The following TMEM17 variants were observed in gnomAD, a reference collection of about 807,000 sequenced individuals.
The protein encoded by TMEM17 is transmembrane protein 17.
Under a neutral mutation model 19.1 loss-of-function variants are expected in TMEM17, and 15 were observed. That is an observed-to-expected ratio of 0.78 (90% confidence interval 0.52 to 1.21). The LOEUF is 1.21. Ranked by LOEUF, TMEM17 falls within the 50% of genes most tolerant of loss-of-function variation. The probability of loss-of-function intolerance (pLI) is 0.00; values close to 1 mark genes in which losing one functional copy is unlikely to be tolerated. For missense variants in TMEM17, 245 were observed against 242.3 expected (o/e 1.01, Z -0.07); for synonymous variants, 103 against 86.9 (o/e 1.19, Z -1.03).
At chr2:62,464,342 A>G in the TMEM17 span, among the ~76,000 whole-genome samples, 1 of 152,206 alleles carries the variant, frequency 6.6e-6, no homozygotes, top group Admixed American at 6.5e-5. Context: ...ACTGGCACCA[A>G]AGCAGCCGGC....
chr2:62,495,902 T>C (rs1280015643), downstream of TMEM17, among the ~76,000 whole-genome samples: 1 of 152,230 alleles, frequency 6.6e-6, no homozygotes, highest in Non-Finnish European at 1.5e-5. Context: ...CTTTACTTCA[T>C]TTCAGTCTTT....
At chr2:62,499,789 A>C (rs1160039672), downstream of TMEM17, among the ~76,000 whole-genome samples, 1 of 152,208 alleles carries the variant, frequency 6.6e-6, no homozygotes, top group Non-Finnish European at 1.5e-5. Flanking sequence ...TCCCTATAGA[A>C]AAAAAGAAAA....
At chr2:62,485,444 G>C in the TMEM17 span, among the ~76,000 whole-genome samples, 3 of 152,254 alleles carry the variant, frequency 2.0e-5, no homozygotes, top group East Asian at 5.8e-4. Context: ...CTAATTCTCA[G>C]AGGAGATGAT....
chr2:62,479,011 T>C, the TMEM17 span, among the ~76,000 whole-genome samples: 1 of 152,190 alleles, frequency 6.6e-6, no homozygotes, highest in African/African-American at 2.4e-5. Context: ...ATATAATGTA[T>C]AGTGATCAGG....
Position 62,502,312 on chromosome 2 carries a change from T to C in TMEM17, c.318+125A>G, listed in dbSNP as rs1200333777. On this transcript the variant is annotated intron_variant, in intron 3 of 3. Coordinates refer to ENST00000335390, the MANE Select transcript of TMEM17 (RefSeq NM_198276.3). ...AAACAGACCACAGTGACAGAAGTGG[T>C]AAAGCTGGAGTCAGGCTTTAAATTC... The C allele has an allele frequency of 5.2e-6, 3 of 573,856 alleles. No homozygotes were observed. In the African/African-American group the frequency reaches 5.6e-5, roughly 11 times the overall value. The allele number at this position is 573,856 out of a possible 1,614,324, so 35.5% of individuals were successfully genotyped here.
At chr2:62,490,189 A>G in the TMEM17 span, among the ~76,000 whole-genome samples, 5 of 152,178 alleles carry the variant, frequency 3.3e-5, no homozygotes, top group Non-Finnish European at 7.4e-5. Context: ...AGAAAGAAAA[A>G]TAATCAATGA....
chr2:62,494,579 TAACTC>T, the TMEM17 span, among the ~76,000 whole-genome samples: 6 of 152,296 alleles, frequency 3.9e-5, no homozygotes, highest in African/African-American at 1.4e-4. Context: ...AGAATATAAA[TAACTC>T]AAGATCAGGA....
chr2:62,493,909 C>T, the TMEM17 span, among the ~76,000 whole-genome samples: 1 of 152,192 alleles, frequency 6.6e-6, no homozygotes, highest in Non-Finnish European at 1.5e-5. Flanking sequence ...ATTTTAATGA[C>T]ACAAAACTAC....
At chr2:62,470,723 C>A in the TMEM17 span, among the ~76,000 whole-genome samples, 2 of 152,360 alleles carry the variant, frequency 1.3e-5, no homozygotes, top group South Asian at 4.1e-4. Flanking sequence ...CAGCCCCTCA[C>A]AAAGAGCTCC....
the TMEM17 span, among the ~76,000 whole-genome samples, chr2:62,454,280 T>TG: frequency 2.6e-5 from 4 of 152,096 alleles, no homozygotes; most frequent in African/African-American, 9.7e-5. Context: ...GACCCAGCTC[T>TG]GGGGGTGGGA....
chr2:62,484,468 G>C, the TMEM17 span, among the ~76,000 whole-genome samples: 3 of 152,202 alleles, frequency 2.0e-5, no homozygotes, highest in Non-Finnish European at 4.4e-5. Flanking sequence ...CTGAGCATTT[G>C]AAATGTGGTG....
Position 62,500,276 on chromosome 2 carries a change from C to A in TMEM17, c.*933G>T, listed in dbSNP as rs1168524598. ...ATTGTAAAAGCATTTTGTATACCAC[C>A]ATTACAAATACTGAATATGGTTTTA... is the stretch of plus-strand genomic sequence containing the variant. On this transcript the variant is annotated 3_prime_UTR_variant, in exon 4 of 4. Coordinates refer to ENST00000335390, the MANE Select transcript of TMEM17 (RefSeq NM_198276.3). The A allele has an allele frequency of 6.6e-6, 1 of 152,108 alleles. No individual in the cohort carries two copies. Among genetic ancestry groups the A allele is most frequent in the Non-Finnish European group, 1.5e-5 (1 of 68,030 alleles). The allele number at this position is 152,108 out of a possible 1,614,324, so 9.4% of individuals were successfully genotyped here.
At chr2:62,472,273 G>A in the TMEM17 span, among the ~76,000 whole-genome samples, 4 of 152,296 alleles carry the variant, frequency 2.6e-5, no homozygotes, top group African/African-American at 9.6e-5. Context: ...GTCACAAACA[G>A]CTCCCTTTCC....
Position 62,501,281 on chromosome 2 carries a change from G to A in TMEM17, c.525C>T (p.Leu175=), listed in dbSNP as rs1458445396. 2.5e-6 allele frequency: 4 copies of A among 1,614,216 alleles called. No individual in the cohort carries two copies. In the Admixed American group the frequency reaches 6.7e-5, roughly 27 times the overall value. The change falls in exon 4 of 4, where the codon CTC becomes CTT. Residue 175 remains leucine, a synonymous_variant. Transcript: ENST00000335390. ...MVNQLAVRFH[L]QDFDRLSANR... ...TTGCAGAGAGCCGGTCAAAGTCTTG[G>A]AGGTGGAAACGAACTGCCAACTGAT...
chr2:62,500,927 GACAACCACCAATACA>G lies in TMEM17; in HGVS notation c.*267_*281del. ...AAATGCTACGAGAGAGCTGGCAAAT[GACAACCACCAATACA>G]TAGATTTCTACACTCCTGAAAAAGA... is the stretch of plus-strand genomic sequence containing the variant. On this transcript the variant is annotated 3_prime_UTR_variant, in exon 4 of 4. Coordinates refer to ENST00000335390, the MANE Select transcript of TMEM17 (RefSeq NM_198276.3). The G allele has an allele frequency of 3.6e-6, 1 of 276,296 alleles. No individual in the cohort carries two copies. The highest frequency in any genetic ancestry group is 6.8e-6 in the Non-Finnish European group (1 of 147,908). 17.1% of individuals were successfully genotyped at this position (276,296 alleles called of 1,614,324 possible).
At chr2:62,505,195 A>C (rs1680032079) in intron 1 of TMEM17, among the ~76,000 whole-genome samples, 1 of 152,202 alleles carries the variant, frequency 6.6e-6, no homozygotes, top group Non-Finnish European at 1.5e-5. Context: ...ATTTCCCAGC[A>C]GAGTTGAATG....
the TMEM17 span, among the ~76,000 whole-genome samples, chr2:62,457,461 G>A: frequency 6.6e-6 from 1 of 152,200 alleles, no homozygotes; most frequent in African/African-American, 2.4e-5. This position sits in a 1 kb window ranked among gnomAD's most constrained non-coding sequence, Gnocchi z 4.2. Context: ...GAGGAATAGC[G>A]GCCTCAGGGG....
chr2:62,492,718 C>G, the TMEM17 span, among the ~76,000 whole-genome samples: 1 of 152,218 alleles, frequency 6.6e-6, no homozygotes, highest in Non-Finnish European at 1.5e-5. Flanking sequence ...AGAGTGGTGC[C>G]TGTCCCCAAG....
downstream of TMEM17, among the ~76,000 whole-genome samples, chr2:62,498,541 C>A (rs868470057): frequency 3.1e-4 from 47 of 149,810 alleles, no homozygotes; most frequent in Middle Eastern, 3.4e-3. Context: ...ACGGTGAAAC[C>A]CCGTCTCTAC....
Sources: allele counts gnomAD v4.1 joint callset (sites outside exome capture counted in the v4.1 genomes callset), GRCh38; gene constraint gnomAD v4.1.1; non-coding constraint Gnocchi (gnomAD v3.1); transcripts MANE v1.5; gene names NCBI Gene and HGNC (gene_info 2026-07-23, HGNC 2026-07-21).